Variants in GRID2 observed in about 807,000 individuals in gnomAD.
GRID2 encodes glutamate receptor ionotropic, delta-2.
A neutral mutation model predicts 114.8 loss-of-function variants in GRID2; 33 were observed. The ratio of observed to expected loss-of-function variants is 0.29; its 90% CI spans 0.22 to 0.38. The LOEUF (loss-of-function observed/expected upper bound fraction) is 0.38, where lower values mean the gene tolerates loss of function less well. Ranked by LOEUF, GRID2 falls within the 10% of genes least tolerant of loss-of-function variation. GRID2 has a pLI of 1.00. For synonymous variants in GRID2, 505 were observed against 449.9 expected, an observed-to-expected ratio of 1.12 and a Z score of -1.55; for missense variants, 1,184 against 1,257.7, an observed-to-expected ratio of 0.94 and a Z score of 0.89.
intron 4 of GRID2, among the ~76,000 whole-genome samples, chr4:93,146,368 A>C (rs983426321): frequency 1.3e-5 from 2 of 152,210 alleles, no homozygotes; most frequent in African/African-American, 4.8e-5. Flanking sequence ...TTTTGATAAA[A>C]ATTGAGTCAA....
intron 13 of GRID2, among the ~76,000 whole-genome samples, chr4:93,563,732 T>C (rs1160187940): frequency 6.6e-6 from 1 of 151,990 alleles, no homozygotes; most frequent in Non-Finnish European, 1.5e-5. Flanking sequence ...TATTTTATCT[T>C]TTCAGTGCCT....
Position 92,803,188 on chromosome 4 carries a change from A to G in GRID2, c.244+212902A>G, listed in dbSNP as rs559788090. Among the ~76,000 whole-genome samples the G allele has an allele frequency of 2.1e-3, 327 of 152,106 alleles. 1 individual carries two copies. Among genetic ancestry groups the G allele is most frequent in the African/African-American group, 7.4e-3 (306 of 41,554 alleles). ...AATTTGAAGTAGAAGAAAAAAAATA[A>G]AGAATTGGTAGCCATTAACCAAAGC... On this transcript the variant is annotated intron_variant, in intron 2 of 15. Transcript: ENST00000282020.
chr4:93,634,806 G>C (rs536972237), intron 14 of GRID2, among the ~76,000 whole-genome samples: 1 of 152,176 alleles, frequency 6.6e-6, no homozygotes, highest in South Asian at 2.1e-4. Flanking sequence ...GATAAGTTTG[G>C]AGAAAGGATA....
At chr4:92,915,523 A>G (rs772749500) in intron 2 of GRID2, among the ~76,000 whole-genome samples, 3 of 152,124 alleles carry the variant, frequency 2.0e-5, no homozygotes, top group Non-Finnish European at 4.4e-5. Flanking sequence ...GGGAATTGCA[A>G]TTCAAGATGA....
chr4:92,635,877 A>G (rs1377414795), intron 2 of GRID2, among the ~76,000 whole-genome samples: 2 of 152,080 alleles, frequency 1.3e-5, no homozygotes, highest in Non-Finnish European at 2.9e-5. Flanking sequence ...ATTTAACAAT[A>G]TTATATTTGC....
intron 1 of GRID2, among the ~76,000 whole-genome samples, chr4:92,565,675 T>C (rs1166517210): frequency 1.3e-5 from 2 of 151,974 alleles, no homozygotes; most frequent in African/African-American, 4.8e-5. Flanking sequence ...GTACAGTTCC[T>C]GGCATATGTA....
intron 14 of GRID2, among the ~76,000 whole-genome samples, chr4:93,636,323 G>C (rs1206986914): frequency 6.6e-6 from 1 of 152,022 alleles, no homozygotes; most frequent in South Asian, 2.1e-4. Context: ...TTTACAAAAA[G>C]CATAGTTATT....
intron 2 of GRID2, among the ~76,000 whole-genome samples, chr4:92,731,842 C>G (rs1301681667): frequency 6.6e-6 from 1 of 151,822 alleles, no homozygotes; most frequent in Non-Finnish European, 1.5e-5. Flanking sequence ...AACTAATAGT[C>G]ATATTTCAAC....
At chr4:92,875,105 A>G (rs1437375306) in intron 2 of GRID2, among the ~76,000 whole-genome samples, 1 of 149,838 alleles carries the variant, frequency 6.7e-6, no homozygotes, top group Non-Finnish European at 1.5e-5. Flanking sequence ...AACTAGAGGT[A>G]GCAACTGAAG....
rs71581558 is a variant in GRID2 at position 93,794,025 on chromosome 4, GA to G, written c.222-12679del. 2.8e-3 allele frequency among the ~76,000 whole-genome samples: 415 copies of G among 146,864 alleles called. 3 individuals carry two copies. Among genetic ancestry groups the G allele is most frequent in the Middle Eastern group, 7.2e-3 (2 of 276 alleles). ...GCCTTTCTTATTTCTCCCATCTGCAGAAAAAAAAAAAGAATATGATTTACCT... is the reference window on the plus strand; with the variant it reads ...GCCTTTCTTATTTCTCCCATCTGCAGAAAAAAAAAAGAATATGATTTACCT... On this transcript the variant is annotated intron_variant, in intron 1 of 1. Coordinates refer to the GRID2 transcript ENST00000637838.
intron 13 of GRID2, among the ~76,000 whole-genome samples, chr4:93,536,196 A>G (rs1388761997): frequency 6.6e-6 from 1 of 151,998 alleles, no homozygotes; most frequent in African/African-American, 2.4e-5. Flanking sequence ...CGTAAATAGA[A>G]AGAACAATCC....
intron 2 of GRID2, among the ~76,000 whole-genome samples, chr4:92,787,267 CA>C (rs562738616): frequency 8.6e-4 from 130 of 151,782 alleles, no homozygotes; most frequent in Non-Finnish European, 1.2e-3. Flanking sequence ...TGACCCAAAA[CA>C]AACATAAAAA....
intron 2 of GRID2, among the ~76,000 whole-genome samples, chr4:92,691,694 A>G (rs1398253288): frequency 1.3e-5 from 2 of 152,248 alleles, no homozygotes; most frequent in African/African-American, 4.8e-5. Flanking sequence ...GTTTTGCAGA[A>G]CAAGACCATG....
At chr4:93,729,398 G>A (rs1177880760) in intron 14 of GRID2, among the ~76,000 whole-genome samples, 1 of 152,098 alleles carries the variant, frequency 6.6e-6, no homozygotes, top group African/African-American at 2.4e-5. Context: ...GGATTTCCAG[G>A]TATTACTGGA....
rs77704486 is a variant in GRID2, at chr4:92,312,078, G to A, written c.88+7334G>A. ...TCTGATGAAGAATAATTCAGTCAGA[G>A]GATATAGCAAGAATGACGGCCATGA... On this transcript the variant is annotated intron_variant, in intron 1 of 15. Coordinates refer to ENST00000282020, the MANE Select transcript of GRID2 (RefSeq NM_001510.4). Among the ~76,000 whole-genome samples the A allele has an allele frequency of 3.2e-3, 481 of 151,936 alleles. 2 individuals are homozygous for A. The highest frequency in any genetic ancestry group is 0.011 in the African/African-American group (464 of 41,386).
At chr4:92,810,975 G>A (rs1159992102) in intron 2 of GRID2, among the ~76,000 whole-genome samples, 1 of 152,004 alleles carries the variant, frequency 6.6e-6, no homozygotes, top group African/African-American at 2.4e-5. Context: ...TAGAGATGAA[G>A]TTTCACCATG....
chr4:93,776,122 T>A (rs994858148), downstream of GRID2, among the ~76,000 whole-genome samples: 10 of 152,208 alleles, frequency 6.6e-5, no homozygotes, highest in Admixed American at 3.3e-4. Context: ...GTTTTATCCT[T>A]AAATATAAAT....
At position 92,521,539 on chromosome 4, in the gene GRID2, T is replaced by C. The variant is rs540801417; in HGVS notation, c.89-68592T>C. Among the ~76,000 whole-genome samples, 23 of 152,116 alleles carry C rather than the reference T, an allele frequency of 1.5e-4. 1 individual carries two copies. The highest frequency in any genetic ancestry group is 2.1e-4 in the South Asian group (1 of 4,830). ...TATTATTGTCCTTATCTCTGTTGCA[T>C]AGAATTCCTTTATTCACAGAGAATC... On this transcript the variant is annotated intron_variant, in intron 1 of 15. Transcript: ENST00000282020.
At chr4:93,312,970 G>A (rs1053457373) in intron 8 of GRID2, among the ~76,000 whole-genome samples, 5 of 152,082 alleles carry the variant, frequency 3.3e-5, no homozygotes, top group Non-Finnish European at 7.4e-5. Flanking sequence ...TTTTTCAAAC[G>A]TATTTTATAG....
Sources: allele counts gnomAD v4.1 joint callset (sites outside exome capture counted in the v4.1 genomes callset), GRCh38; gene constraint gnomAD v4.1.1; transcripts MANE v1.5; gene names NCBI Gene and HGNC (gene_info 2026-07-23, HGNC 2026-07-21).